Variants in BEND7 observed in about 807,000 individuals in gnomAD.
The protein encoded by BEND7 is BEN domain-containing protein 7.
BEND7 carries 28 observed loss-of-function variants against 50.9 expected under a neutral mutation model. That is an observed-to-expected ratio of 0.55 (90% confidence interval 0.41 to 0.75). The LOEUF is 0.75. BEND7 is among the 30% of genes least tolerant of loss of function. The probability of loss-of-function intolerance (pLI) is 0.00; values close to 1 mark genes in which losing one functional copy is unlikely to be tolerated. For missense variants in BEND7, 477 were observed against 491.3 expected (o/e 0.97, Z 0.28); for synonymous variants, 170 against 183.9 (o/e 0.92, Z 0.61).
intron 6 of BEND7, among the ~76,000 whole-genome samples, chr10:13,474,433 G>A (rs1000961311): frequency 1.3e-5 from 2 of 151,628 alleles, no homozygotes; most frequent in South Asian, 2.1e-4. Flanking sequence ...ACTCGGGGCC[G>A]ATATCTGTCA....
chr10:13,504,079 G>T (rs545220390), intron 2 of BEND7, among the ~76,000 whole-genome samples: 1 of 152,326 alleles, frequency 6.6e-6, no homozygotes, highest in South Asian at 2.1e-4. Context: ...GGCAGGTGGG[G>T]CAGAGGATCA....
At chr10:13,511,075 G>C (rs2078242723) in intron 2 of BEND7, 1 of 152,234 alleles carries the variant, frequency 6.6e-6, no homozygotes, top group African/African-American at 2.4e-5. Context: ...AGCTGCTCAG[G>C]AAGCTGAGGC....
At chr10:13,469,707 C>T (rs2074617024) in intron 6 of BEND7, among the ~76,000 whole-genome samples, 1 of 152,164 alleles carries the variant, frequency 6.6e-6, no homozygotes, top group African/African-American at 2.4e-5. Flanking sequence ...AATCTCTCGA[C>T]CTCATGATCT....
intron 6 of BEND7, among the ~76,000 whole-genome samples, chr10:13,463,000 C>T (rs2073865183): frequency 6.6e-6 from 1 of 152,146 alleles, no homozygotes; most frequent in African/African-American, 2.4e-5. Context: ...TGATGAAAAA[C>T]CATCCTTGAT....
In BEND7 at chr10:13,526,196, G is replaced by C. The variant is rs1383057123; in HGVS notation, c.87C>G (p.Ile29Met). The C allele has an allele frequency of 7.8e-7, 1 of 1,289,360 alleles. No homozygotes were observed. Among genetic ancestry groups the C allele is most frequent in the South Asian group, 1.2e-5 (1 of 80,922 alleles). The allele number at this position is 1,289,360 out of a possible 1,614,324, so 79.9% of individuals were successfully genotyped here. ...SRDYHHEVYK[I>M]PEFSNDVNGE... ...CATTAACATCGTTGCTGAATTCTGG[G>C]ATCTTATACACCTCGTGGTGATAAT... The change falls in exon 2 of 9, where the codon ATC becomes ATG. Residue 29 changes from isoleucine to methionine, a missense_variant. Physicochemically the swap from Ile to Met is conservative, Grantham distance 10 (BLOSUM62 1). Coordinates refer to ENST00000466271, the MANE Select transcript of BEND7 (RefSeq NM_001369863.1).
chr10:13,493,381 C>T (rs764242995), intron 4 of BEND7, among the ~76,000 whole-genome samples: 4 of 152,230 alleles, frequency 2.6e-5, no homozygotes, highest in South Asian at 2.1e-4. Flanking sequence ...CAAAAGAAGC[C>T]GTCTGGGATG....
chr10:13,471,119 G>A (rs1246587452), intron 6 of BEND7, among the ~76,000 whole-genome samples: 1 of 152,158 alleles, frequency 6.6e-6, no homozygotes, highest in Non-Finnish European at 1.5e-5. Context: ...CCCCCTGCCA[G>A]GTAATAGACA....
At chr10:13,453,209 C>T (rs1424467768) in intron 6 of BEND7, among the ~76,000 whole-genome samples, 4 of 152,126 alleles carry the variant, frequency 2.6e-5, no homozygotes, top group Admixed American at 2.0e-4. Context: ...CTGCCCGATT[C>T]AGCACAAAGG....
rs1364832692 is a variant in BEND7, at chr10:13,528,641, G to A, written c.-108C>T. 6 of 534,062 alleles carry A rather than the reference G, an allele frequency of 1.1e-5. No individual in the cohort carries two copies. Among genetic ancestry groups the A allele is most frequent in the Non-Finnish European group, 1.4e-5 (6 of 421,050 alleles). The allele number at this position is 534,062 out of a possible 1,614,324, so 33.1% of individuals were successfully genotyped here. A position where few individuals can be genotyped will look rare whatever the true frequency, so the allele number is the denominator to read the frequency against. ...GGGCTCGTGTCACCGCGGCGGAGCCGCCGGGACCAAGGTCCGCGCCTGGAG... is the reference window on the plus strand; with the variant it reads ...GGGCTCGTGTCACCGCGGCGGAGCCACCGGGACCAAGGTCCGCGCCTGGAG... On this transcript the variant is annotated 5_prime_UTR_variant, in exon 1 of 9. Coordinates refer to ENST00000466271, the MANE Select transcript of BEND7 (RefSeq NM_001369863.1).
rs767454294 is a variant in BEND7, at chr10:13,480,937, C to A, written c.1025G>T (p.Arg342Leu). The change falls in exon 6 of 9, where the codon CGG becomes CTG. Residue 342 changes from arginine to leucine, a missense_variant. By Grantham distance (102) the Arg-to-Leu change is moderately radical. Coordinates refer to ENST00000466271, the MANE Select transcript of BEND7 (RefSeq NM_001369863.1). ...GKRKRGLNDN[R>L]KGLDQNIVGA... The stretch of plus-strand genomic sequence containing the variant: ...CACAATATTTTGGTCTAGTCCTTTC[C>A]GGTTGTCATTGAGTCCTCTTTTCCT... 6.2e-7 allele frequency: 1 copy of A among 1,614,010 alleles called. No homozygotes were observed. The highest frequency in any genetic ancestry group is 1.3e-5 in the African/African-American group (1 of 74,892).
downstream of BEND7, chr10:13,439,503 G>T: frequency 6.3e-7 from 1 of 1,583,256 alleles, no homozygotes; most frequent in South Asian, 1.2e-5. Context: ...AGCACCTGTG[G>T]AATGAATGAA....
intron 2 of BEND7, among the ~76,000 whole-genome samples, chr10:13,513,794 C>G (rs368417706): frequency 5.7e-4 from 87 of 152,352 alleles, no homozygotes; most frequent in African/African-American, 2.0e-3. Flanking sequence ...TGCAGCTCCC[C>G]GAGAGGCTGG....
intron 6 of BEND7, among the ~76,000 whole-genome samples, chr10:13,463,033 A>T (rs2073869641): frequency 6.6e-6 from 1 of 152,212 alleles, no homozygotes; most frequent in African/African-American, 2.4e-5. Context: ...ACCCAACTAA[A>T]CTCCACATCA....
rs148085605 is a variant in BEND7, at chr10:13,523,998, A to G, written c.145+2140T>C. Among the ~76,000 whole-genome samples the G allele has an allele frequency of 2.3e-3, 358 of 152,360 alleles. 1 individual carries two copies. Among genetic ancestry groups the G allele is most frequent in the African/African-American group, 8.4e-3 (350 of 41,588 alleles). ...GAGCAACCACTTTGAAAGCGTATCTATCTCAAGCCTGGTCCTTCATTGGAA... is the reference window on the plus strand; with the variant it reads ...GAGCAACCACTTTGAAAGCGTATCTGTCTCAAGCCTGGTCCTTCATTGGAA... On this transcript the variant is annotated intron_variant, in intron 2 of 8. Transcript: ENST00000466271.
intron 2 of BEND7, among the ~76,000 whole-genome samples, chr10:13,517,377 G>A (rs576793448): frequency 1.3e-5 from 2 of 152,232 alleles, no homozygotes; most frequent in Admixed American, 6.5e-5. Context: ...GGAGGCAAGA[G>A]GGGAGTGTCA....
chr10:13,504,503 A>T (rs980095401), intron 2 of BEND7, among the ~76,000 whole-genome samples: 2 of 148,286 alleles, frequency 1.3e-5, no homozygotes, highest in East Asian at 2.0e-4. Flanking sequence ...GTTCTTTGAT[A>T]AAAAAAAAAA....
chr10:13,501,290 G>A (rs1023102814), intron 2 of BEND7, among the ~76,000 whole-genome samples: 6 of 148,808 alleles, frequency 4.0e-5, no homozygotes, highest in African/African-American at 7.5e-5. Flanking sequence ...AGGAGAACCC[G>A]GCTCACCCAG....
chr10:13,484,256 G>A (rs890556752), intron 5 of BEND7, among the ~76,000 whole-genome samples: 12 of 152,214 alleles, frequency 7.9e-5, no homozygotes, highest in Non-Finnish European at 7.3e-5. Context: ...ATCTACGTGT[G>A]CCAGGTGCCG....
intron 6 of BEND7, among the ~76,000 whole-genome samples, chr10:13,479,163 T>C (rs1387688552): frequency 3.9e-5 from 6 of 152,038 alleles, no homozygotes; most frequent in Admixed American, 2.6e-4. Context: ...TGCATCATCA[T>C]GCCCCGCTAA....
Sources: allele counts gnomAD v4.1 joint callset (sites outside exome capture counted in the v4.1 genomes callset), GRCh38; gene constraint gnomAD v4.1.1; transcripts MANE v1.5; gene names NCBI Gene and HGNC (gene_info 2026-07-23, HGNC 2026-07-21).